CHST11: variants seen among roughly 807,000 people sequenced by gnomAD.
The protein encoded by CHST11 is C4S-1.
Under a neutral mutation model 30.4 loss-of-function variants are expected in CHST11, and 9 were observed. The ratio of observed to expected loss-of-function variants is 0.30; its 90% CI spans 0.18 to 0.52. The LOEUF is 0.52. Ranked by LOEUF, CHST11 falls within the 20% of genes least tolerant of loss-of-function variation. The probability of loss-of-function intolerance (pLI) is 0.97; values close to 1 mark genes in which losing one functional copy is unlikely to be tolerated. For missense variants in CHST11, 348 were observed against 460.6 expected (o/e 0.76, Z 2.24); for synonymous variants, 152 against 187.8 (o/e 0.81, Z 1.56).
At chr12:104,693,607 G>C (rs764015398) in intron 2 of CHST11, among the ~76,000 whole-genome samples, 22 of 152,208 alleles carry the variant, frequency 1.4e-4, no homozygotes, top group Non-Finnish European at 2.8e-4. Flanking sequence ...TGCTAATGCA[G>C]CATGCCAAGT....
At chr12:104,474,704 G>A (rs999735518) in intron 1 of CHST11, among the ~76,000 whole-genome samples, 4 of 150,936 alleles carry the variant, frequency 2.7e-5, no homozygotes, top group Admixed American at 2.0e-4. Context: ...CTGAGTGTTC[G>A]ATCTGTTATA....
intron 2 of CHST11, among the ~76,000 whole-genome samples, chr12:104,659,117 T>A (rs1295688677): frequency 6.6e-6 from 1 of 152,202 alleles, no homozygotes; most frequent in East Asian, 1.9e-4. Context: ...GAGGAATGGG[T>A]TCTAACATGT....
intron 2 of CHST11, among the ~76,000 whole-genome samples, chr12:104,666,008 TG>T (rs977175170): frequency 4.6e-5 from 7 of 151,782 alleles, no homozygotes; most frequent in South Asian, 4.2e-4. Context: ...TTAATAGAGA[TG>T]GGGTTTCACC....
Position 104,457,350 on chromosome 12 carries a change from C to T in CHST11, c.-62C>T. ...GGGCTCCGGTCCGCGCGGCGGGGTC[C>T]CTGCTCCTGCGCCCCGGGCGCGCTT... On this transcript the variant is annotated 5_prime_UTR_variant, in exon 1 of 3. Coordinates refer to ENST00000303694, the MANE Select transcript of CHST11 (RefSeq NM_018413.6). The T allele has an allele frequency of 8.0e-7, 1 of 1,257,762 alleles. No individual in the cohort carries two copies. The highest frequency in any genetic ancestry group is 1.1e-6 in the Non-Finnish European group (1 of 869,742). 77.9% of individuals were successfully genotyped at this position (1,257,762 alleles called of 1,614,324 possible).
intron 1 of CHST11, among the ~76,000 whole-genome samples, chr12:104,477,783 G>A (rs2037577863): frequency 6.6e-6 from 1 of 152,174 alleles, no homozygotes; most frequent in African/African-American, 2.4e-5. Flanking sequence ...TGATATAGCA[G>A]TCCAAATGGA....
chr12:104,589,418 A>C (rs924917217), intron 1 of CHST11, among the ~76,000 whole-genome samples: 3 of 143,116 alleles, frequency 2.1e-5, no homozygotes, highest in African/African-American at 7.8e-5. Context: ...AAAAAAAAAA[A>C]ATTCAAATTC....
At chr12:104,523,941 A>G (rs1284591070) in intron 1 of CHST11, among the ~76,000 whole-genome samples, 2 of 151,942 alleles carry the variant, frequency 1.3e-5, no homozygotes, top group Non-Finnish European at 2.9e-5. Context: ...AGAAGTCCCT[A>G]TCTCCCTGTG....
chr12:104,475,688 A>ATATATATATATATATTATT (rs1555226434), intron 1 of CHST11, among the ~76,000 whole-genome samples: 6 of 78,464 alleles, frequency 7.6e-5, no homozygotes, highest in Non-Finnish European at 1.7e-4. Context: ...ATATATATAT[A>ATATATATATATATATTATT]TATTTCTGAT....
At chr12:104,510,140 C>T (rs1311185143) in intron 1 of CHST11, among the ~76,000 whole-genome samples, 1 of 152,232 alleles carries the variant, frequency 6.6e-6, no homozygotes, top group Non-Finnish European at 1.5e-5. Flanking sequence ...CTTGGGGAGG[C>T]TGACAAATCT....
intron 1 of CHST11, among the ~76,000 whole-genome samples, chr12:104,557,002 T>C (rs1488097453): frequency 6.6e-6 from 1 of 150,402 alleles, no homozygotes; most frequent in African/African-American, 2.4e-5. Flanking sequence ...AAAAAAAAGA[T>C]TTCCCTCTTC....
At chr12:104,512,421 G>C (rs1450028858) in intron 1 of CHST11, among the ~76,000 whole-genome samples, 2 of 152,188 alleles carry the variant, frequency 1.3e-5, no homozygotes, top group Non-Finnish European at 2.9e-5. Flanking sequence ...GCTAGGAACT[G>C]TTCAGTTAAA....
intron 2 of CHST11, among the ~76,000 whole-genome samples, chr12:104,672,169 G>A (rs554163189): frequency 2.0e-5 from 3 of 152,278 alleles, no homozygotes; most frequent in Admixed American, 1.3e-4. Context: ...AGGGAAGCGC[G>A]TTTTCTGGAA....
intron 1 of CHST11, among the ~76,000 whole-genome samples, chr12:104,575,548 A>G (rs536737922): frequency 2.6e-5 from 4 of 152,286 alleles, no homozygotes; most frequent in Admixed American, 2.0e-4. Context: ...GACAACTGAT[A>G]GGCAAAGAAA....
At position 104,737,930 on chromosome 12, in the gene CHST11, C is replaced by G. The variant is rs761528425; in HGVS notation, c.205-19019C>G. On this transcript the variant is annotated intron_variant, in intron 2 of 2. Transcript: ENST00000303694. ...CCTTTGTTCCCTGGAGCCAAGAGGC[C>G]TCCCTTGGAGGCATCAGTTGCCACA... Among the ~76,000 whole-genome samples, 19 of 152,212 alleles carry G rather than the reference C, an allele frequency of 1.2e-4. No individual in the cohort carries two copies. The Middle Eastern group carries it at 0.01, about 82-fold the overall frequency.
chr12:104,460,483 G>A (rs1353000367), intron 1 of CHST11, among the ~76,000 whole-genome samples: 1 of 151,988 alleles, frequency 6.6e-6, no homozygotes, highest in Admixed American at 6.6e-5. Flanking sequence ...GGCCAACATG[G>A]CGAAACCACA....
At chr12:104,575,023 C>G (rs1468066300) in intron 1 of CHST11, among the ~76,000 whole-genome samples, 1 of 152,018 alleles carries the variant, frequency 6.6e-6, no homozygotes, top group African/African-American at 2.4e-5. Context: ...GAAACCCCAT[C>G]TTTACTGAAA....
At chr12:104,714,693 G>GC (rs1480814611) in intron 2 of CHST11, among the ~76,000 whole-genome samples, 1 of 152,142 alleles carries the variant, frequency 6.6e-6, no homozygotes, top group African/African-American at 2.4e-5. Flanking sequence ...GTGGTGATGA[G>GC]CACAGCACAG....
intron 1 of CHST11, among the ~76,000 whole-genome samples, chr12:104,596,333 C>G (rs1037307290): frequency 1.3e-5 from 2 of 152,176 alleles, no homozygotes; most frequent in African/African-American, 4.8e-5. Context: ...GTTAGCAAGT[C>G]CGGAGATTTG....
intron 2 of CHST11, among the ~76,000 whole-genome samples, chr12:104,665,869 G>A (rs1039575740): frequency 1.5e-5 from 2 of 130,154 alleles, no homozygotes; most frequent in East Asian, 4.4e-4. Flanking sequence ...CACCAGGCTG[G>A]ACCGCAGTGG....
Sources: gnomAD v4.1 joint callset for allele counts (sites outside exome capture counted in the v4.1 genomes callset) on GRCh38, gnomAD v4.1.1 for gene constraint, MANE v1.5 for transcripts, NCBI Gene and HGNC (gene_info 2026-07-23, HGNC 2026-07-21) for gene names.